The following SPNS2 variants were observed in gnomAD, a reference collection of about 807,000 sequenced individuals.
The protein encoded by SPNS2 is sphingosine-1-phosphate transporter SPNS2.
A neutral mutation model predicts 57.6 loss-of-function variants in SPNS2; 37 were observed. The observed-to-expected ratio is 0.64, with a 90% CI of 0.49 to 0.85. The LOEUF (loss-of-function observed/expected upper bound fraction) is 0.85. SPNS2 is among the 40% of genes least tolerant of loss of function. SPNS2 has a pLI of 0.00. For synonymous variants in SPNS2, 440 were observed against 346.9 expected (o/e 1.27, Z -2.98); for missense variants, 831 against 779.1 (o/e 1.07, Z -0.79).
chr17:4,536,122 G>T lies in SPNS2; in HGVS notation c.1391G>T (p.Ser464Ile). The T allele has an allele frequency of 6.2e-7, 1 of 1,612,684 alleles. No homozygotes were observed. The change falls in exon 10 of 13, where the codon AGC (serine) becomes ATC (isoleucine). Residue 464 changes from serine to isoleucine, a missense_variant. Around this residue, in one of 2 missense-constraint regions of SPNS2, gnomAD observed 526 missense variants for 400.9 expected, o/e 1.31. Transcript: ENST00000329078. ...CGCGCCACTGCCGTGGCCTTGCAGA[G>T]CTTCACCTCCCACCTGCTGGGGGAC... ...TRRATAVALQ[S>I]FTSHLLGDAG...
At chr17:4,532,152 A>ATCCGTCTG (rs1597369116) in intron 5 of SPNS2, among the ~76,000 whole-genome samples, 1 of 124,348 alleles carries the variant, frequency 8.0e-6, no homozygotes, top group Non-Finnish European at 1.7e-5. Flanking sequence ...CCATCTGTCC[A>ATCCGTCTG]TCCGTCTGTC....
chr17:4,531,859 G>C (rs1184381406), intron 5 of SPNS2, among the ~76,000 whole-genome samples: 1 of 152,130 alleles, frequency 6.6e-6, no homozygotes, highest in Non-Finnish European at 1.5e-5. Context: ...TGGAGGTTCT[G>C]TTCTGGAAAA....
At chr17:4,528,541 C>A (rs544142176) in intron 3 of SPNS2, among the ~76,000 whole-genome samples, 203 of 152,124 alleles carry the variant, frequency 1.3e-3, no homozygotes, top group Non-Finnish European at 1.2e-4. Context: ...CGGCTCACTG[C>A]AACCTCTGCC....
chr17:4,531,303 G>A (rs929168226), intron 5 of SPNS2, among the ~76,000 whole-genome samples, 184 bp downstream of exon 5: 3 of 152,206 alleles, frequency 2.0e-5, no homozygotes, highest in Non-Finnish European at 4.4e-5. Flanking sequence ...CAGATGTCCC[G>A]ATTGAGGTGT....
At chr17:4,534,982 C>T (rs371051466) in intron 9 of SPNS2, among the ~76,000 whole-genome samples, 27 of 152,300 alleles carry the variant, frequency 1.8e-4, no homozygotes, top group South Asian at 1.4e-3. Context: ...CAGGGCCACT[C>T]GTTTCATCAG....
At chr17:4,505,275 T>G (rs1567586920) in intron 1 of SPNS2, among the ~76,000 whole-genome samples, 1 of 152,132 alleles carries the variant, frequency 6.6e-6, no homozygotes, top group Non-Finnish European at 1.5e-5. Context: ...GAGACTTGGG[T>G]TGACTCATAC....
chr17:4,513,424 A>G, intron 2 of SPNS2, 112 bp downstream of exon 2: 2 of 1,158,864 alleles, frequency 1.7e-6, no homozygotes, highest in Non-Finnish European at 2.5e-6. Context: ...TGACTCCTGG[A>G]AAGAGAGTGG....
chr17:4,533,467 C>T (rs969926700), intron 8 of SPNS2, 35 bp downstream of exon 8: 3 of 1,552,374 alleles, frequency 1.9e-6, no homozygotes, highest in Admixed American at 1.9e-5. Context: ...GCTGGGGGAG[C>T]TGGGCCTGGG....
chr17:4,512,427 T>A lies in SPNS2; in HGVS notation c.371-820T>A, dbSNP rs1904852865. 6.6e-6 allele frequency among the ~76,000 whole-genome samples: 1 copy of A among 151,862 alleles called. No individual in the cohort carries two copies. The highest frequency in any genetic ancestry group is 2.4e-5 in the African/African-American group (1 of 41,318). ...TCTGCCAGTCTGCTGGGGCTGTGGGTGGTTTCTGGGTGGTCCAGCTGCTGC... is the reference window on the plus strand; with the variant it reads ...TCTGCCAGTCTGCTGGGGCTGTGGGAGGTTTCTGGGTGGTCCAGCTGCTGC... On this transcript the variant is annotated intron_variant, in intron 1 of 12. Coordinates refer to ENST00000329078, the MANE Select transcript of SPNS2 (RefSeq NM_001124758.3). This position sits in a 1 kb window ranked among gnomAD's most constrained non-coding sequence, Gnocchi z 5.2.
chr17:4,521,522 C>G (rs1302801883), intron 2 of SPNS2, among the ~76,000 whole-genome samples: 2 of 152,242 alleles, frequency 1.3e-5, no homozygotes, highest in African/African-American at 4.8e-5. Flanking sequence ...CCCTGGAGAG[C>G]TGCTATTTTT....
chr17:4,501,780 T>TG (rs1170333829), intron 1 of SPNS2, among the ~76,000 whole-genome samples: 4 of 152,208 alleles, frequency 2.6e-5, no homozygotes, highest in African/African-American at 9.7e-5. Context: ...CTGGCCCAGC[T>TG]GGGACAGAGA....
In SPNS2 at chr17:4,536,281, C is replaced by T. The variant is rs760818670; in HGVS notation, c.1462C>T (p.Gln488Ter). 2.5e-6 allele frequency: 4 copies of T among 1,612,532 alleles called. No homozygotes were observed. Among genetic ancestry groups the T allele is most frequent in the Non-Finnish European group, 3.4e-6 (4 of 1,179,918 alleles). Residue 488 changes from glutamine (Q) to a stop codon, truncating the protein, a stop_gained, in exon 11 of 13, where the codon CAG (glutamine) becomes TAG (stop). Coordinates refer to ENST00000329078, the MANE Select transcript of SPNS2 (RefSeq NM_001124758.3). LOFTEE classifies it high-confidence loss of function. ...LIGFISDLIRQSTKDSPLWEF... is the reference protein window; with the variant it reads ...LIGFISDLIR Reference sequence around the variant, plus strand: ...CTCGCAGATCTCAGACCTGATCCGCCAGAGCACTAAGGACTCCCCGCTCTG... The same window carrying T: ...CTCGCAGATCTCAGACCTGATCCGCTAGAGCACTAAGGACTCCCCGCTCTG...
Position 4,533,440 on chromosome 17 carries a change from C to T in SPNS2, c.1278+8C>T. 2 of 1,585,816 alleles carry T rather than the reference C, an allele frequency of 1.3e-6. No homozygotes were observed. Among genetic ancestry groups the T allele is most frequent in the Non-Finnish European group, 1.7e-6 (2 of 1,165,212 alleles). ...AGCATCGTAGGAGCCTATGTGAGTG[C>T]AGCGGGGGTCAAGGGTGCTGGGGGA... On this transcript the variant is annotated splice_region_variant and intron_variant, in intron 8 of 12. Transcript: ENST00000329078.
intron 3 of SPNS2, among the ~76,000 whole-genome samples, chr17:4,529,509 C>T (rs953270336): frequency 2.6e-5 from 4 of 151,966 alleles, no homozygotes; most frequent in African/African-American, 7.2e-5. Flanking sequence ...CCCGTCTCTA[C>T]AAAAATTCAA....
intron 11 of SPNS2, 146 bp from the exon 12 acceptor site, chr17:4,536,754 G>A (rs1288367225): frequency 2.8e-6 from 2 of 712,364 alleles, no homozygotes; most frequent in Non-Finnish European, 5.0e-6. Context: ...CCCCACCCCT[G>A]GGCTCTCCCA....
chr17:4,536,527 C>A, intron 11 of SPNS2, 101 bp downstream of exon 11: 9 of 1,378,840 alleles, frequency 6.5e-6, no homozygotes, highest in African/African-American at 2.8e-5. Flanking sequence ...AGGGTACAGA[C>A]CTCCCATGCA....
intron 1 of SPNS2, among the ~76,000 whole-genome samples, chr17:4,504,284 T>A (rs915178716): frequency 6.6e-6 from 1 of 152,216 alleles, no homozygotes. Context: ...AGCACCCAGG[T>A]GAAGCGCCAG....
At chr17:4,531,561 G>A (rs976471684) in intron 5 of SPNS2, among the ~76,000 whole-genome samples, 2 of 152,168 alleles carry the variant, frequency 1.3e-5, no homozygotes, top group African/African-American at 4.8e-5. Flanking sequence ...AAGTTACCAA[G>A]GCCCCAGGAC....
At chr17:4,515,479 G>A (rs957100670) in intron 2 of SPNS2, among the ~76,000 whole-genome samples, 1 of 152,162 alleles carries the variant, frequency 6.6e-6, no homozygotes, top group Non-Finnish European at 1.5e-5. Flanking sequence ...CTGGGCCATG[G>A]TGAGAATTGC....
Sources: gnomAD v4.1 joint callset for allele counts (sites outside exome capture counted in the v4.1 genomes callset) on GRCh38, gnomAD v4.1.1 for gene constraint, gnomAD v4.1.1 regional missense constraint, Gnocchi (gnomAD v3.1) non-coding constraint, MANE v1.5 for transcripts, NCBI Gene and HGNC (gene_info 2026-07-23, HGNC 2026-07-21) for gene names.